Variants in TENM2 observed in about 807,000 individuals in gnomAD.
TENM2 encodes the protein teneurin-2.
A neutral mutation model predicts 245.2 loss-of-function variants in TENM2; 52 were observed. The ratio of observed to expected loss-of-function variants is 0.21; its 90% CI spans 0.17 to 0.27. The LOEUF is 0.27. Among genes scored for constraint, TENM2 ranks in the 10% least tolerant of loss-of-function variants. The probability of loss-of-function intolerance (pLI) is 1.00; values close to 1 mark genes in which losing one functional copy is unlikely to be tolerated. For missense variants in TENM2, 3,046 were observed against 3,666.8 expected, an observed-to-expected ratio of 0.83 and a Z score of 4.37; for synonymous variants, 1,363 against 1,438.9, an observed-to-expected ratio of 0.95 and a Z score of 1.19.
chr5:168,080,543 T>C (rs1341992818), intron 7 of TENM2, among the ~76,000 whole-genome samples: 4 of 152,244 alleles, frequency 2.6e-5, no homozygotes, highest in African/African-American at 9.6e-5. Flanking sequence ...TTTTAGATTT[T>C]TCCTGCTTTC....
chr5:167,239,137 T>C, the TENM2 span, among the ~76,000 whole-genome samples: 1 of 152,198 alleles, frequency 6.6e-6, no homozygotes, highest in Non-Finnish European at 1.5e-5. Flanking sequence ...CTCTCCAAGG[T>C]ATCTTTGAAG....
chr5:167,192,759 CT>C, the TENM2 span, among the ~76,000 whole-genome samples: 1 of 151,982 alleles, frequency 6.6e-6, no homozygotes, highest in African/African-American at 2.4e-5. Flanking sequence ...GGTACTAACC[CT>C]TTGTTGAGAT....
chr5:167,948,680 T>A (rs1779835822), intron 3 of TENM2: 1 of 152,234 alleles, frequency 6.6e-6, no homozygotes. Flanking sequence ...ACTGATTAGG[T>A]TGATACTGTG....
chr5:167,063,352 TTGCCAAACTC>T, the TENM2 span, among the ~76,000 whole-genome samples: 1 of 152,002 alleles, frequency 6.6e-6, no homozygotes, highest in Admixed American at 6.6e-5. Context: ...GTTCCAGGAG[TTGCCAAACTC>T]AAGGTCTAGG....
chr5:167,198,725 T>TC, the TENM2 span, among the ~76,000 whole-genome samples: 1 of 152,046 alleles, frequency 6.6e-6, no homozygotes, highest in Non-Finnish European at 1.5e-5. Context: ...GCTGTGTCAT[T>TC]GATCATCCGC....
chr5:167,999,965 C>T (rs960540561), intron 5 of TENM2, among the ~76,000 whole-genome samples: 1 of 152,232 alleles, frequency 6.6e-6, no homozygotes, highest in African/African-American at 2.4e-5. Flanking sequence ...ACAGAGTATA[C>T]ATTGAGTAAA....
At chr5:167,755,059 G>T (rs1236630123) in intron 2 of TENM2, 1 of 1,597,596 alleles carries the variant, frequency 6.3e-7, no homozygotes, top group Non-Finnish European at 8.5e-7. Context: ...CGCCGATGGT[G>T]AGCCCACCTC....
chr5:167,017,929 G>T, the TENM2 span, among the ~76,000 whole-genome samples: 1 of 152,078 alleles, frequency 6.6e-6, no homozygotes, highest in Non-Finnish European at 1.5e-5. Flanking sequence ...AATAAATGTA[G>T]GAGAAAAGGA....
At chr5:167,067,284 A>G in the TENM2 span, among the ~76,000 whole-genome samples, 2 of 152,194 alleles carry the variant, frequency 1.3e-5, no homozygotes, top group Non-Finnish European at 2.9e-5. Flanking sequence ...ACCATGTAAT[A>G]TTTCTAAACT....
At chr5:167,346,184 C>CT (rs1313008688) in intron 1 of TENM2, among the ~76,000 whole-genome samples, 1 of 152,280 alleles carries the variant, frequency 6.6e-6, no homozygotes, top group South Asian at 2.1e-4. Context: ...ATCTCAACCT[C>CT]TTTTTTTCCT....
chr5:168,107,582 AG>A (rs1323678528), intron 9 of TENM2, among the ~76,000 whole-genome samples: 1 of 151,984 alleles, frequency 6.6e-6, no homozygotes, highest in Non-Finnish European at 1.5e-5. Context: ...GCAGGTGGTC[AG>A]GGGCCACATT....
At chr5:166,980,885 G>A in the TENM2 span, among the ~76,000 whole-genome samples, 699 of 152,256 alleles carry the variant, frequency 4.6e-3, 2 homozygotes, top group African/African-American at 0.016. Flanking sequence ...GTTATTCAAG[G>A]AACCCTCCTT....
intron 2 of TENM2, among the ~76,000 whole-genome samples, chr5:167,621,767 G>A (rs1778192363): frequency 6.6e-6 from 1 of 152,112 alleles, no homozygotes; most frequent in Non-Finnish European, 1.5e-5. Flanking sequence ...TCAAAGTGTG[G>A]CCATGGCCCA....
intron 2 of TENM2, among the ~76,000 whole-genome samples, chr5:167,385,738 A>G (rs911803705): frequency 1.3e-5 from 2 of 151,994 alleles, no homozygotes; most frequent in Admixed American, 6.6e-5. Context: ...GCTCCCACTT[A>G]TAAGTGAGAA....
At chr5:167,779,668 T>C (rs910054452) in intron 2 of TENM2, among the ~76,000 whole-genome samples, 1 of 152,246 alleles carries the variant, frequency 6.6e-6, no homozygotes, top group Non-Finnish European at 1.5e-5. Flanking sequence ...AACTGAGTTT[T>C]AGGATATGTA....
chr5:167,490,441 G>A (rs1006584797), intron 2 of TENM2, among the ~76,000 whole-genome samples: 2 of 151,942 alleles, frequency 1.3e-5, no homozygotes, highest in African/African-American at 4.8e-5. Flanking sequence ...TTTCTTAGTT[G>A]AATATCTCTC....
At chr5:168,087,608 CAAA>C (rs111574327) in intron 7 of TENM2, among the ~76,000 whole-genome samples, 3 of 111,808 alleles carry the variant, frequency 2.7e-5, no homozygotes, top group Non-Finnish European at 3.8e-5. Flanking sequence ...GACTCCATCT[CAAA>C]AAAAAAAAAA....
intron 2 of TENM2, among the ~76,000 whole-genome samples, chr5:167,720,370 G>A (rs1396360481): frequency 2.0e-5 from 3 of 152,154 alleles, no homozygotes; most frequent in Non-Finnish European, 2.9e-5. Context: ...TGCATCATCC[G>A]GATAGTCCAG....
intron 2 of TENM2, among the ~76,000 whole-genome samples, chr5:167,431,106 C>T (rs576744630): frequency 5.7e-4 from 86 of 152,152 alleles, no homozygotes; most frequent in African/African-American, 1.8e-3. Flanking sequence ...AAATGATCTA[C>T]GAATCTTTAT....
Sources: allele counts gnomAD v4.1 joint callset (sites outside exome capture counted in the v4.1 genomes callset), GRCh38; gene constraint gnomAD v4.1.1; transcripts MANE v1.5; gene names NCBI Gene and HGNC (gene_info 2026-07-23, HGNC 2026-07-21).